Variants in CFAP20DC observed in about 807,000 individuals in gnomAD.
CFAP20DC encodes the protein CFAP20 domain containing.
Under a neutral mutation model 101.7 loss-of-function variants are expected in CFAP20DC, and 84 were observed. The observed-to-expected ratio is 0.83, with a 90% CI of 0.69 to 0.99. CFAP20DC has a LOEUF of 0.99. Ranked by LOEUF, CFAP20DC falls within the 50% of genes least tolerant of loss-of-function variation. The pLI, the probability that CFAP20DC is intolerant of heterozygous loss-of-function variation, is 0.00. For missense variants in CFAP20DC, 1,007 were observed against 970.3 expected (o/e 1.04, Z -0.50); for synonymous variants, 359 against 351.2 (o/e 1.02, Z -0.25).
intron 7 of CFAP20DC, among the ~76,000 whole-genome samples, chr3:58,870,813 G>A (rs1185301286): frequency 3.5e-5 from 5 of 144,444 alleles, no homozygotes; most frequent in East Asian, 2.0e-4. Context: ...GCGTGAACCC[G>A]GGAAGCGGAG....
chr3:59,008,933 G>A (rs749858767), intron 4 of CFAP20DC, among the ~76,000 whole-genome samples: 25 of 151,852 alleles, frequency 1.6e-4, no homozygotes, highest in Non-Finnish European at 3.5e-4. Flanking sequence ...AACAAGATAA[G>A]CTTCAAGAGA....
In CFAP20DC at chr3:58,729,273, A is replaced by G. The variant is rs1339286185; in HGVS notation, c.198-11645T>C. Among the ~76,000 whole-genome samples the G allele has an allele frequency of 6.6e-6, 1 of 152,184 alleles. No individual in the cohort carries two copies. The highest frequency in any genetic ancestry group is 1.9e-4 in the East Asian group (1 of 5,202). On this transcript the variant is annotated intron_variant, in intron 3 of 3. Coordinates refer to the CFAP20DC transcript ENST00000486145. The surrounding 1 kb of genome is among the most constrained non-coding windows in gnomAD (Gnocchi z 4.4). ...AATTCGTATCAATAAATGTTTCATAATTTTGTGCACAGAAAACTTGTACTT... is the reference window on the plus strand; with the variant it reads ...AATTCGTATCAATAAATGTTTCATAGTTTTGTGCACAGAAAACTTGTACTT...
chr3:58,866,879 C>T (rs374743220), intron 10 of CFAP20DC, among the ~76,000 whole-genome samples, 191 bp from the exon 11 acceptor site: 2 of 151,310 alleles, frequency 1.3e-5, no homozygotes, highest in Non-Finnish European at 2.9e-5. Context: ...TAGAGGTTCA[C>T]CTTAAAATTC....
In CFAP20DC at chr3:59,007,059, T is replaced by C. The variant is rs115948514; in HGVS notation, c.278+32498A>G. Among the ~76,000 whole-genome samples the C allele has an allele frequency of 0.012, 1,771 of 151,832 alleles. 37 individuals are homozygous for C. Among genetic ancestry groups the C allele is most frequent in the African/African-American group, 0.04 (1,670 of 41,390 alleles). ...CTGTGTGGAGCTGGGTGAGGCCTTT[T>C]GCTACTGGATGTCACCCACTTCCCT... On this transcript the variant is annotated intron_variant, in intron 4 of 16. Transcript: ENST00000482387. This position sits in a 1 kb window ranked among gnomAD's most constrained non-coding sequence, Gnocchi z 4.4.
intron 6 of CFAP20DC, among the ~76,000 whole-genome samples, chr3:58,903,099 G>A (rs757413109): frequency 2.0e-5 from 3 of 151,936 alleles, no homozygotes; most frequent in Non-Finnish European, 4.4e-5. Flanking sequence ...ACATGCTGTA[G>A]GTTTTCTCTT....
At chr3:58,737,793 G>A (rs185256285), downstream of CFAP20DC, among the ~76,000 whole-genome samples, 1 of 152,312 alleles carries the variant, frequency 6.6e-6, no homozygotes, top group East Asian at 1.9e-4. The surrounding 1 kb of genome is among the most constrained non-coding windows in gnomAD (Gnocchi z 4.1). Context: ...TGGAGCAAAA[G>A]AAACGGAAAT....
chr3:58,881,302 T>A (rs1480799277), intron 7 of CFAP20DC, among the ~76,000 whole-genome samples: 2 of 152,136 alleles, frequency 1.3e-5, no homozygotes, highest in East Asian at 3.8e-4. Flanking sequence ...TAGTTTTGAT[T>A]TGTGCTTAGT....
chr3:59,032,545 A>G (rs2094016563), intron 4 of CFAP20DC, among the ~76,000 whole-genome samples: 1 of 152,168 alleles, frequency 6.6e-6, no homozygotes, highest in South Asian at 2.1e-4. Flanking sequence ...AGGCTTGAGT[A>G]GGCGGTTTCC....
chr3:58,876,037 G>T (rs985950981), intron 7 of CFAP20DC, among the ~76,000 whole-genome samples: 3 of 152,012 alleles, frequency 2.0e-5, no homozygotes, highest in Non-Finnish European at 4.4e-5. Context: ...TTTATTTAAA[G>T]AGTAATCTAC....
At chr3:58,947,049 T>C (rs377209999) in intron 4 of CFAP20DC, among the ~76,000 whole-genome samples, 2 of 152,202 alleles carry the variant, frequency 1.3e-5, no homozygotes, top group Non-Finnish European at 2.9e-5. Flanking sequence ...GGAGACCTAC[T>C]AAAGCCTAAA....
intron 14 of CFAP20DC, among the ~76,000 whole-genome samples, chr3:58,817,542 A>G (rs1467303394): frequency 8.3e-5 from 12 of 145,256 alleles, no homozygotes; most frequent in East Asian, 4.1e-4. Flanking sequence ...GGGTATCAGC[A>G]ATGGAAGATG....
chr3:58,806,970 C>T (rs1303119922), intron 14 of CFAP20DC, among the ~76,000 whole-genome samples: 1 of 152,152 alleles, frequency 6.6e-6, no homozygotes, highest in Admixed American at 6.5e-5. Context: ...TGACTGCTAG[C>T]ACAGCAGTCT....
chr3:58,806,324 AC>A, intron 15 of CFAP20DC, 70 bp downstream of exon 15: 1 of 1,077,882 alleles, frequency 9.3e-7, no homozygotes, highest in Non-Finnish European at 1.4e-6. Flanking sequence ...ATTTCAGAAA[AC>A]CAAGAAAAAT....
At chr3:58,780,607 C>T (rs2071742366) in intron 15 of CFAP20DC, among the ~76,000 whole-genome samples, 1 of 151,794 alleles carries the variant, frequency 6.6e-6, no homozygotes, top group Non-Finnish European at 1.5e-5. Flanking sequence ...GGATATTTCA[C>T]ACAAATGGAA....
rs2079465198 is a variant in CFAP20DC at position 58,863,988 on chromosome 3, C to T, written c.1259-96G>A. Reference sequence around the variant, plus strand: ...TTAGTTTTAGTTTTTGAGACAGTCTCACTCTGCCGCCTAGGCTGCAGTGCA... The same window carrying T: ...TTAGTTTTAGTTTTTGAGACAGTCTTACTCTGCCGCCTAGGCTGCAGTGCA... On this transcript the variant is annotated intron_variant, in intron 11 of 16. Transcript: ENST00000482387. This position sits in a 1 kb window ranked among gnomAD's most constrained non-coding sequence, Gnocchi z 5.9. 4.1e-6 allele frequency: 5 copies of T among 1,220,872 alleles called. No individual in the cohort carries two copies. The highest frequency in any genetic ancestry group is 4.4e-6 in the Non-Finnish European group (4 of 906,836). The allele number at this position is 1,220,872 out of a possible 1,614,324, so 75.6% of individuals were successfully genotyped here. A position where few individuals can be genotyped will look rare whatever the true frequency, so the allele number is the denominator to read the frequency against.
In CFAP20DC at chr3:58,899,884, G is replaced by T. The variant is rs767214983; in HGVS notation, c.550+13824C>A. The stretch of plus-strand genomic sequence containing the variant: ...ACTTGCCACTTTCACTCCTCTCCAC[G>T]AGTGCTGCAGACCACAGCTGCTTTT... On this transcript the variant is annotated intron_variant, in intron 6 of 16. Transcript: ENST00000482387. The surrounding 1 kb of genome is among the most constrained non-coding windows in gnomAD (Gnocchi z 5.0). Among the ~76,000 whole-genome samples, 1 of 152,210 alleles carries T rather than the reference G, an allele frequency of 6.6e-6. No homozygotes were observed.
chr3:58,806,907 G>A (rs2074116713), intron 14 of CFAP20DC, among the ~76,000 whole-genome samples: 1 of 152,166 alleles, frequency 6.6e-6, no homozygotes, highest in African/African-American at 2.4e-5. Context: ...CGGCGCACCA[G>A]GAGATTATAT....
chr3:58,955,606 G>T (rs1232779525), intron 4 of CFAP20DC, among the ~76,000 whole-genome samples: 1 of 151,962 alleles, frequency 6.6e-6, no homozygotes, highest in African/African-American at 2.4e-5. Context: ...AGTGCTCTGG[G>T]GCCCCAAATA....
At chr3:58,959,489 A>G (rs1453883384) in intron 4 of CFAP20DC, among the ~76,000 whole-genome samples, 2 of 152,206 alleles carry the variant, frequency 1.3e-5, no homozygotes, top group East Asian at 3.8e-4. Flanking sequence ...GTGACTATCC[A>G]AAGGTCTCAG....
Sources: gnomAD v4.1 joint callset for allele counts (sites outside exome capture counted in the v4.1 genomes callset) on GRCh38, gnomAD v4.1.1 for gene constraint, Gnocchi (gnomAD v3.1) non-coding constraint, MANE v1.5 for transcripts, NCBI Gene and HGNC (gene_info 2026-07-23, HGNC 2026-07-21) for gene names.